Variants in MAF observed in about 807,000 individuals in gnomAD.
The protein encoded by MAF is MAF bZIP transcription factor.
A neutral mutation model predicts 22.0 loss-of-function variants in MAF; 10 were observed. The observed-to-expected ratio is 0.45, with a 90% confidence interval of 0.28 to 0.77. The LOEUF (loss-of-function observed/expected upper bound fraction) is 0.77, where lower values mean the gene tolerates loss of function less well. Ranked by LOEUF, MAF falls within the 30% of genes least tolerant of loss-of-function variation. MAF has a pLI of 0.12. For synonymous variants in MAF, 337 were observed against 255.8 expected, an observed-to-expected ratio of 1.32 and a Z score of -3.03; for missense variants, 544 against 548.4, an observed-to-expected ratio of 0.99 and a Z score of 0.08.
chr16:79,474,428 G>T, the MAF span, among the ~76,000 whole-genome samples: 1 of 152,160 alleles, frequency 6.6e-6, no homozygotes, highest in African/African-American at 2.4e-5. Context: ...TGCCTGGCTG[G>T]CTGGGCAGAC....
At chr16:79,433,331 G>A in the MAF span, among the ~76,000 whole-genome samples, 1 of 150,408 alleles carries the variant, frequency 6.6e-6, no homozygotes. Context: ...AGAGTTAGAA[G>A]ATTAACGGGA....
At chr16:79,523,698 C>G in the MAF span, among the ~76,000 whole-genome samples, 1 of 152,284 alleles carries the variant, frequency 6.6e-6, no homozygotes, top group Admixed American at 6.5e-5. Context: ...ATGTTAGAAG[C>G]TCCATTTTAC....
the MAF span, among the ~76,000 whole-genome samples, chr16:79,532,866 C>A: frequency 1.4e-3 from 213 of 152,314 alleles, no homozygotes; most frequent in African/African-American, 4.5e-3. Flanking sequence ...CATATCCATG[C>A]GGTCAGTGCC....
chr16:79,595,006 A>C (rs745585028), intron 1 of MAF: 1 of 1,066,252 alleles, frequency 9.4e-7, no homozygotes. Flanking sequence ...CTACATCCAG[A>C]ATATCACTCT....
the MAF span, among the ~76,000 whole-genome samples, chr16:79,279,356 G>A: frequency 2.0e-5 from 3 of 152,184 alleles, no homozygotes. Flanking sequence ...AGAGAAAATG[G>A]GGCTGAAAGT....
Position 79,599,904 on chromosome 16 carries a change from C to G in MAF, c.-2G>C. 6.6e-7 allele frequency: 1 copy of G among 1,526,394 alleles called. No homozygotes were observed. The highest frequency in any genetic ancestry group is 1.1e-5 in the South Asian group (1 of 89,122). The allele number at this position is 1,526,394 out of a possible 1,614,324, so 94.6% of individuals were successfully genotyped here. A position where few individuals can be genotyped will look rare whatever the true frequency, so the allele number is the denominator to read the frequency against. ...GCTCATTGCCAGTTCTGATGCCATT[C>G]TCCTGCCGCCGCCGCCGCCGCCGCC... On this transcript the variant is annotated 5_prime_UTR_variant, in exon 1 of 2. Coordinates refer to ENST00000326043, the MANE Select transcript of MAF (RefSeq NM_005360.5).
the MAF span, among the ~76,000 whole-genome samples, chr16:79,292,593 G>A: frequency 3.9e-5 from 6 of 152,184 alleles, no homozygotes; most frequent in African/African-American, 1.4e-4. Context: ...AGAGGCATTT[G>A]AACCAGGCAA....
At chr16:79,232,648 A>T in the MAF span, among the ~76,000 whole-genome samples, 28 of 152,050 alleles carry the variant, frequency 1.8e-4, no homozygotes, top group African/African-American at 6.3e-4. Context: ...TTAGAAGTTA[A>T]ATCAAAATAA....
At chr16:79,254,363 C>CA in the MAF span, among the ~76,000 whole-genome samples, 1 of 152,112 alleles carries the variant, frequency 6.6e-6, no homozygotes, top group African/African-American at 2.4e-5. Flanking sequence ...GTGGGCATCT[C>CA]TCTATGACTT....
the MAF span, among the ~76,000 whole-genome samples, chr16:79,469,164 G>A: frequency 6.6e-6 from 1 of 152,112 alleles, no homozygotes; most frequent in Non-Finnish European, 1.5e-5. Flanking sequence ...GCCCATTTTT[G>A]TAAATACAGT....
the MAF span, among the ~76,000 whole-genome samples, chr16:79,322,982 C>T: frequency 1.1e-3 from 166 of 151,288 alleles, no homozygotes; most frequent in Non-Finnish European, 1.8e-3. Context: ...AACCCCATCT[C>T]TACTAAAAAT....
the MAF span, among the ~76,000 whole-genome samples, chr16:79,539,818 T>C: frequency 8.5e-5 from 13 of 152,338 alleles, 1 homozygote; most frequent in African/African-American, 3.1e-4. Context: ...ATCACAATCA[T>C]GTCAGACACT....
At chr16:79,208,796 G>C in the MAF span, among the ~76,000 whole-genome samples, 5 of 152,168 alleles carry the variant, frequency 3.3e-5, no homozygotes, top group African/African-American at 1.2e-4. Context: ...CATCACATCT[G>C]ATCATATTAA....
chr16:79,549,182 G>A, the MAF span, among the ~76,000 whole-genome samples: 2 of 152,154 alleles, frequency 1.3e-5, no homozygotes, highest in Non-Finnish European at 2.9e-5. Flanking sequence ...CGAGCAACAG[G>A]AACAACTGCA....
At chr16:79,577,948 A>T in the MAF span, among the ~76,000 whole-genome samples, 1 of 152,288 alleles carries the variant, frequency 6.6e-6, no homozygotes, top group South Asian at 2.1e-4. Flanking sequence ...CCTCTGACTC[A>T]GTCTGTTCAA....
the MAF span, among the ~76,000 whole-genome samples, chr16:79,226,245 T>C: frequency 6.6e-6 from 1 of 152,136 alleles, no homozygotes; most frequent in African/African-American, 2.4e-5. Flanking sequence ...TGGATGAAGC[T>C]GAAAACCAAC....
chr16:79,530,450 A>C, the MAF span, among the ~76,000 whole-genome samples: 20 of 152,268 alleles, frequency 1.3e-4, no homozygotes, highest in South Asian at 1.0e-3. Flanking sequence ...TTTTTTTCTC[A>C]GGGGAAAAAA....
chr16:79,496,017 A>C, the MAF span, among the ~76,000 whole-genome samples: 1 of 152,178 alleles, frequency 6.6e-6, no homozygotes, highest in Admixed American at 6.5e-5. Flanking sequence ...CCATGAGATA[A>C]CCATAGTCTT....
At chr16:79,583,083 T>C (rs1490572645), downstream of MAF, among the ~76,000 whole-genome samples, 1 of 152,184 alleles carries the variant, frequency 6.6e-6, no homozygotes, top group Non-Finnish European at 1.5e-5. Flanking sequence ...TTGAAAGAAG[T>C]AGCTATACAC....
Sources: gnomAD v4.1 joint callset for allele counts (sites outside exome capture counted in the v4.1 genomes callset) on GRCh38, gnomAD v4.1.1 for gene constraint, MANE v1.5 for transcripts, NCBI Gene and HGNC (gene_info 2026-07-23, HGNC 2026-07-21) for gene names.